Variants in RNF144A observed in about 807,000 individuals in gnomAD.
RNF144A encodes ring finger protein 144A.
RNF144A carries 11 observed loss-of-function variants against 38.7 expected under a neutral mutation model. The observed-to-expected ratio is 0.28, with a 90% confidence interval of 0.18 to 0.47. The LOEUF (loss-of-function observed/expected upper bound fraction) is 0.47, where lower values mean the gene tolerates loss of function less well. Among genes scored for constraint, RNF144A ranks in the 20% least tolerant of loss-of-function variants. The pLI, the probability that RNF144A is intolerant of heterozygous loss-of-function variation, is 0.99. For synonymous variants in RNF144A, 149 were observed against 143.9 expected (o/e 1.04, Z -0.25); for missense variants, 316 against 377.2 (o/e 0.84, Z 1.34).
In RNF144A at chr2:7,043,098, C is replaced by T. The variant is rs1673150150; in HGVS notation, c.*3338C>T. 1.3e-6 allele frequency: 1 copy of T among 748,780 alleles called. No individual in the cohort carries two copies. The allele number at this position is 748,780 out of a possible 1,614,324, so 46.4% of individuals were successfully genotyped here. A position where few individuals can be genotyped will look rare whatever the true frequency, so the allele number is the denominator to read the frequency against. On this transcript the variant is annotated 3_prime_UTR_variant, in exon 9 of 9. Transcript: ENST00000320892. ...GGCCAGGCTACTCTCAAACTCCTGA[C>T]CTCAGGTGATCTGCCCACCTCGGCT...
chr2:7,058,888 C>T (rs1394535716), intron 6 of RNF144A, among the ~76,000 whole-genome samples: 1 of 152,078 alleles, frequency 6.6e-6, no homozygotes, highest in Non-Finnish European at 1.5e-5. Flanking sequence ...TACCTGTATG[C>T]TGTGATATGC....
chr2:6,961,771 C>G (rs1667359882), intron 2 of RNF144A, among the ~76,000 whole-genome samples: 1 of 152,178 alleles, frequency 6.6e-6, no homozygotes, highest in Non-Finnish European at 1.5e-5. Context: ...GCATGAATAC[C>G]CCTTCTTCCA....
chr2:7,020,378 TCCTCCCTGTCCGTGCACTGAGGGGCTCC>T, intron 5 of RNF144A, 67 bp from the exon 6 acceptor site: 1 of 1,068,736 alleles, frequency 9.4e-7, no homozygotes, highest in Non-Finnish European at 1.4e-6. Flanking sequence ...CTGGACATGT[TCCTCCCTGTCCGTGCACTGAGGGGCTCC>T]TTCCTCTGAA....
chr2:7,023,609 T>G (rs1320279544), intron 6 of RNF144A, among the ~76,000 whole-genome samples: 2 of 152,264 alleles, frequency 1.3e-5, no homozygotes, highest in South Asian at 2.1e-4. Flanking sequence ...ATTAACAGCA[T>G]GGGGTGAGTC....
intron 2 of RNF144A, among the ~76,000 whole-genome samples, chr2:6,979,033 G>C (rs1469668533): frequency 1.3e-5 from 2 of 152,184 alleles, no homozygotes; most frequent in East Asian, 1.9e-4. Context: ...CTGCAGCCAG[G>C]GTCAGAAAGT....
At position 6,926,568 on chromosome 2, in the gene RNF144A, C is replaced by G. The variant is rs149709945; in HGVS notation, c.-212+8946C>G. Among the ~76,000 whole-genome samples the G allele has an allele frequency of 5.4e-4, 82 of 152,316 alleles. 2 individuals are homozygous for G. In the East Asian group the frequency reaches 0.015, roughly 29 times the overall value. ...GGTTGCAGGTGTGGGGCTATGCACA[C>G]CTGTGTGTTCCATCAATAGGTTCGG... On this transcript the variant is annotated intron_variant, in intron 1 of 8. Coordinates refer to ENST00000320892, the MANE Select transcript of RNF144A (RefSeq NM_014746.6).
chr2:6,993,498 A>G (rs1669526722), intron 2 of RNF144A, among the ~76,000 whole-genome samples: 1 of 152,144 alleles, frequency 6.6e-6, no homozygotes, highest in African/African-American at 2.4e-5. Flanking sequence ...TGTCTTGGGA[A>G]CAAGCACGAT....
At chr2:7,018,730 T>C (rs994596027) in intron 5 of RNF144A, among the ~76,000 whole-genome samples, 22 of 152,328 alleles carry the variant, frequency 1.4e-4, no homozygotes, top group Admixed American at 9.1e-4. Context: ...ATTCATTCAG[T>C]ATGAGGAGCA....
chr2:6,955,808 A>G (rs1666965185), intron 2 of RNF144A, among the ~76,000 whole-genome samples: 1 of 152,110 alleles, frequency 6.6e-6, no homozygotes, highest in African/African-American at 2.4e-5. Context: ...TTTGTTTGCT[A>G]CAGGCCCTTT....
intron 5 of RNF144A, among the ~76,000 whole-genome samples, chr2:7,018,210 G>C (rs1671269413): frequency 6.6e-6 from 1 of 152,230 alleles, no homozygotes; most frequent in Admixed American, 6.5e-5. Context: ...TCCCTAGCAG[G>C]CAGCGCTGCC....
chr2:6,996,969 G>T lies in RNF144A; in HGVS notation c.43G>T (p.Asp15Tyr), dbSNP rs763777576. The change falls in exon 3 of 9, where the codon GAC becomes TAC. Residue 15 changes from aspartate (D) to tyrosine (Y), a missense_variant. Asp to Tyr is a radical substitution (Grantham distance 160). Coordinates refer to ENST00000320892, the MANE Select transcript of RNF144A (RefSeq NM_014746.6). ...RYRPTWDLALDPLVSCKLCLG... is the reference protein window; with the variant it reads ...RYRPTWDLALYPLVSCKLCLG... ...CCGGCCCACCTGGGACCTGGCCCTC[G>T]ACCCGCTGGTGTCTTGCAAGCTCTG... 1.9e-6 allele frequency: 3 copies of T among 1,614,052 alleles called. No homozygotes were observed. Among genetic ancestry groups the T allele is most frequent in the Admixed American group, 1.7e-5 (1 of 60,024 alleles).
intron 2 of RNF144A, among the ~76,000 whole-genome samples, chr2:6,976,538 T>C (rs1668325632): frequency 6.6e-6 from 1 of 150,682 alleles, no homozygotes; most frequent in South Asian, 2.1e-4. Flanking sequence ...TTTCTTTGGT[T>C]TGCAGAAGGT....
intron 6 of RNF144A, among the ~76,000 whole-genome samples, chr2:7,067,078 G>A (rs961754490): frequency 1.4e-4 from 21 of 152,154 alleles, no homozygotes; most frequent in African/African-American, 4.6e-4. Flanking sequence ...TGGTAGGAAT[G>A]GGGGTAAATG....
intron 2 of RNF144A, among the ~76,000 whole-genome samples, chr2:6,949,916 C>T (rs926279912): frequency 1.3e-5 from 2 of 152,012 alleles, no homozygotes; most frequent in South Asian, 4.1e-4. Flanking sequence ...CCTTCTTTCC[C>T]AGAGAAAACC....
intron 2 of RNF144A, among the ~76,000 whole-genome samples, chr2:6,993,775 G>T (rs1669548640): frequency 6.6e-6 from 1 of 152,118 alleles, no homozygotes; most frequent in African/African-American, 2.4e-5. Flanking sequence ...TTCACCATAT[G>T]ATATCTCTTC....
chr2:6,954,640 A>T (rs116698283), intron 2 of RNF144A, among the ~76,000 whole-genome samples: 1 of 152,212 alleles, frequency 6.6e-6, no homozygotes, highest in African/African-American at 2.4e-5. Flanking sequence ...TGGAGCATCA[A>T]AGAAGATGGG....
intron 6 of RNF144A, among the ~76,000 whole-genome samples, chr2:7,023,232 C>T (rs576802632): frequency 6.6e-6 from 1 of 152,278 alleles, no homozygotes; most frequent in African/African-American, 2.4e-5. Context: ...CAAACAGTCA[C>T]GTTCAGTTGG....
At chr2:6,961,512 C>A (rs1282323951) in intron 2 of RNF144A, among the ~76,000 whole-genome samples, 2 of 152,070 alleles carry the variant, frequency 1.3e-5, no homozygotes, top group African/African-American at 4.8e-5. Context: ...ACAGATCCAG[C>A]CTTAGGAGAT....
chr2:7,022,045 C>G (rs1023852), intron 6 of RNF144A, among the ~76,000 whole-genome samples: 19,947 of 152,206 alleles, frequency 0.13, 2,077 homozygotes, highest in East Asian at 0.56. Context: ...AAATCCGAAT[C>G]CTAAGCCTCT....
Sources: allele counts gnomAD v4.1 joint callset (sites outside exome capture counted in the v4.1 genomes callset), GRCh38; gene constraint gnomAD v4.1.1; transcripts MANE v1.5; gene names NCBI Gene and HGNC (gene_info 2026-07-23, HGNC 2026-07-21).